NEB: variants seen among roughly 807,000 people sequenced by gnomAD.
NEB encodes nebulin.
NEB carries 512 observed loss-of-function variants against 952.2 expected under a neutral mutation model. That is an observed-to-expected ratio of 0.54 (90% confidence interval 0.50 to 0.58). The LOEUF is 0.58. Ranked by LOEUF, NEB falls within the 20% of genes least tolerant of loss-of-function variation. The pLI is 0.00. For missense variants in NEB, 8,428 were observed against 9,231.1 expected (o/e 0.91, Z 3.56); for synonymous variants, 2,900 against 3,149.8 (o/e 0.92, Z 2.66).
intron 171 of NEB, 121 bp from the exon 172 acceptor site, chr2:151,497,154 G>A (rs1219548742): frequency 4.5e-6 from 6 of 1,331,130 alleles, no homozygotes; most frequent in Admixed American, 2.6e-5. Flanking sequence ...GGAGCCAGAA[G>A]TTATATGCTG....
chr2:151,718,942 C>A (rs1374203482), intron 9 of NEB, among the ~76,000 whole-genome samples: 1 of 152,140 alleles, frequency 6.6e-6, no homozygotes, highest in African/African-American at 2.4e-5. Context: ...CCCTCAGATG[C>A]TTCACGGCCT....
At chr2:151,673,228 C>T (rs115135596) in intron 36 of NEB, among the ~76,000 whole-genome samples, 1,758 of 152,286 alleles carry the variant, frequency 0.012, 37 homozygotes, top group African/African-American at 0.04. Flanking sequence ...TCCAAAGTCT[C>T]TCACTGCTGG....
rs1361381561 is a variant in NEB, at chr2:151,524,604, T to C, written c.22285A>G (p.Lys7429Glu). 2 of 1,613,766 alleles carry C rather than the reference T, an allele frequency of 1.2e-6. No individual in the cohort carries two copies. The highest frequency in any genetic ancestry group is 2.2e-5 in the East Asian group (1 of 44,884). Residue 7429 changes from lysine (K) to glutamate (E), a missense_variant, in exon 152 of 182, where the codon AAA (lysine) becomes GAA (glutamate). Coordinates refer to ENST00000397345, the MANE Select transcript of NEB (RefSeq NM_001164508.2). ...TAATGCAGGTTCTCTTTGGCATCTT[T>C]TCTGTAAGCGACCTTTATTGGGGAA... ...AKKQSDVAYR[K>E]DAKENLHYTT...
chr2:151,516,614 C>G, intron 156 of NEB, 51 bp from the exon 157 acceptor site: 1 of 1,215,686 alleles, frequency 8.2e-7, no homozygotes, highest in Non-Finnish European at 1.2e-6. Context: ...AATTCCTAGA[C>G]AGCAGTTTAA....
At chr2:151,623,118 G>A (rs1198430253) in intron 71 of NEB, among the ~76,000 whole-genome samples, 3 of 152,192 alleles carry the variant, frequency 2.0e-5, no homozygotes, top group African/African-American at 4.8e-5. Context: ...AAGGATGGTA[G>A]GTAGCTGAGG....
At chr2:151,628,583 G>A (rs1290343996) in intron 68 of NEB, among the ~76,000 whole-genome samples, 2 of 152,304 alleles carry the variant, frequency 1.3e-5, no homozygotes, top group Admixed American at 1.3e-4. Context: ...GCTTATGCCT[G>A]TAATCCCAGC....
intron 39 of NEB, 80 bp from the exon 40 acceptor site, chr2:151,667,991 A>C: frequency 3.6e-6 from 4 of 1,119,068 alleles, no homozygotes; most frequent in Non-Finnish European, 5.2e-6. Flanking sequence ...GTTTCTTATA[A>C]AACATGTCGT....
At chr2:151,629,967 G>T (rs2098629549) in intron 67 of NEB, among the ~76,000 whole-genome samples, 1 of 151,792 alleles carries the variant, frequency 6.6e-6, no homozygotes, top group East Asian at 1.9e-4. Flanking sequence ...ACAGATTGAT[G>T]AGCAAAGCAG....
chr2:151,527,335 T>A (rs1300642378), intron 147 of NEB, 146 bp downstream of exon 147: 3 of 719,126 alleles, frequency 4.2e-6, no homozygotes, highest in Non-Finnish European at 6.8e-6. Flanking sequence ...AGCTCGCCTA[T>A]CGCTCCCCCA....
chr2:151,498,131 A>G, intron 170 of NEB, 129 bp downstream of exon 170: 1 of 1,522,238 alleles, frequency 6.6e-7, no homozygotes, highest in Non-Finnish European at 8.9e-7. Flanking sequence ...GGGAAAGTAT[A>G]TCCTTTTGTA....
Position 151,541,477 on chromosome 2 carries a change from T to G in NEB, c.20652A>C (p.Arg6884Ser), listed in dbSNP as rs1361140238. The G allele has an allele frequency of 1.2e-6, 2 of 1,613,180 alleles. No individual in the cohort carries two copies. ...TSVPDTPDLL[R>S]AKRGQKLQSQ... The stretch of plus-strand genomic sequence containing the variant: ...TCTGAAGCTTCTGCCCTCGCTTGGC[T>G]CTTAAAAGATCAGGAGTATCAGGAA... Residue 6884 changes from arginine (R) to serine (S), a missense_variant, in exon 136 of 182, where the codon AGA (arginine) becomes AGC (serine). By Grantham distance (110) the Arg-to-Ser change is moderately radical (BLOSUM62 -1). Transcript: ENST00000397345.
At position 151,633,922 on chromosome 2, in the gene NEB, A is replaced by G. The variant is rs776759120; in HGVS notation, c.9146T>C (p.Ile3049Thr). The stretch of plus-strand genomic sequence containing the variant: ...GTCATCTTCAATGTTCCGGGCTCCA[A>G]TATGGTGGCCAAGTTGCTTGCAGTA... ...DGYCKQLGHH[I>T]GARNIEDDPK... The change falls in exon 65 of 182, where the codon ATT becomes ACT. Residue 3049 changes from isoleucine (I) to threonine (T), a missense_variant. By Grantham distance (89) the Ile-to-Thr change is moderately conservative (BLOSUM62 -1). Coordinates refer to ENST00000397345, the MANE Select transcript of NEB (RefSeq NM_001164508.2). The G allele has an allele frequency of 8.6e-5, 139 of 1,613,802 alleles. No individual in the cohort carries two copies. Among genetic ancestry groups the G allele is most frequent in the Non-Finnish European group, 1.1e-4 (129 of 1,179,782 alleles).
chr2:151,488,793 GATCATATAATTAA>G (rs1471951878), intron 181 of NEB, among the ~76,000 whole-genome samples: 1 of 152,102 alleles, frequency 6.6e-6, no homozygotes, highest in African/African-American at 2.4e-5. Flanking sequence ...GGTTACCTCA[GATCATATAATTAA>G]ATAACTTACC....
chr2:151,561,044 T>C lies in NEB; in HGVS notation c.19166A>G (p.Asp6389Gly), dbSNP rs780121402. The C allele has an allele frequency of 1.9e-6, 3 of 1,609,724 alleles. No individual in the cohort carries two copies. In the South Asian group the frequency reaches 3.3e-5, roughly 18 times the overall value. Residue 6389 changes from aspartate to glycine, a missense_variant, in exon 123 of 182, where the codon GAT (aspartate) becomes GGT (glycine). By Grantham distance (94) the Asp-to-Gly change is moderately conservative. Coordinates refer to ENST00000397345, the MANE Select transcript of NEB (RefSeq NM_001164508.2). ...DKYTTVLETV[D>G]YDRTRNLKNL... ...CTTCAGGTTTCTGGTTCTGTCATAA[T>C]CCACTGTTTCTAGAACTGTTGTGTA...
rs1579301879 is a variant in NEB at position 151,612,837 on chromosome 2, G to GT, written c.11602-449dup. On this transcript the variant is annotated intron_variant, in intron 77 of 181. Coordinates refer to ENST00000397345, the MANE Select transcript of NEB (RefSeq NM_001164508.2). ...CTGGTTGATCACGTTGCATTAATGT[G>GT]TTTTTTTGGGGATAAAAACGACGTC... is the stretch of plus-strand genomic sequence containing the variant. 7.9e-5 allele frequency among the ~76,000 whole-genome samples: 12 copies of GT among 152,198 alleles called. 1 individual carries two copies. The South Asian group carries it at 2.1e-3, about 26-fold the overall frequency.
At chr2:151,690,538 G>A (rs1472674595) in intron 24 of NEB, 189 bp downstream of exon 24, 1 of 542,914 alleles carries the variant, frequency 1.8e-6, no homozygotes, top group Non-Finnish European at 3.3e-6. Context: ...TTTTATTATT[G>A]TCTAACACAA....
chr2:151,609,278 C>T (rs373007581), intron 81 of NEB, among the ~76,000 whole-genome samples: 5 of 151,768 alleles, frequency 3.3e-5, no homozygotes, highest in East Asian at 1.9e-4. Flanking sequence ...ATGGGGTTGA[C>T]GGGATAAGTG....
In NEB at chr2:151,553,725, T is replaced by G. The variant is rs977178610; in HGVS notation, c.19626+103A>C. 8.8e-6 allele frequency: 10 copies of G among 1,142,380 alleles called. No homozygotes were observed. In the African/African-American group the frequency reaches 9.5e-5, roughly 11 times the overall value. 70.8% of individuals were successfully genotyped at this position (1,142,380 alleles called of 1,614,324 possible). On this transcript the variant is annotated intron_variant, in intron 126 of 181. Transcript: ENST00000397345. ...GACAAATGGACATATAGGGAAGAGATAGTGGAAAAAGGCTAAGGTAAAGAA... is the reference window on the plus strand; with the variant it reads ...GACAAATGGACATATAGGGAAGAGAGAGTGGAAAAAGGCTAAGGTAAAGAA...
In NEB at chr2:151,633,874, T is replaced by A. The variant is rs2098711751; in HGVS notation, c.9194A>T (p.His3065Leu). 1 of 1,614,022 alleles carries A rather than the reference T, an allele frequency of 6.2e-7. No individual in the cohort carries two copies. The highest frequency in any genetic ancestry group is 8.5e-7 in the Non-Finnish European group (1 of 1,179,886). ...CCTGTCACTCTGGATCTTGGCTACGTGCATGGACCACATCATCTTGGGGTC... is the reference window on the plus strand; with the variant it reads ...CCTGTCACTCTGGATCTTGGCTACGAGCATGGACCACATCATCTTGGGGTC... ...EDDPKMMWSMHVAKIQSDREY... is the reference protein window; with the variant it reads ...EDDPKMMWSMLVAKIQSDREY... The change falls in exon 65 of 182, where the codon CAC becomes CTC. Residue 3065 changes from histidine to leucine, a missense_variant. His to Leu is a moderately conservative substitution (Grantham distance 99). Coordinates refer to ENST00000397345, the MANE Select transcript of NEB (RefSeq NM_001164508.2).
Sources: gnomAD v4.1 joint callset for allele counts (sites outside exome capture counted in the v4.1 genomes callset) on GRCh38, gnomAD v4.1.1 for gene constraint, MANE v1.5 for transcripts, NCBI Gene and HGNC (gene_info 2026-07-23, HGNC 2026-07-21) for gene names.